The following SLMAP variants were observed in gnomAD, a reference collection of about 807,000 sequenced individuals.
SLMAP encodes sarcolemmal membrane-associated protein.
A neutral mutation model predicts 128.8 loss-of-function variants in SLMAP; 44 were observed. That is an observed-to-expected ratio of 0.34 (90% confidence interval 0.27 to 0.44). The LOEUF (loss-of-function observed/expected upper bound fraction) is 0.44. Ranked by LOEUF, SLMAP falls within the 20% of genes least tolerant of loss-of-function variation. The pLI, the probability that SLMAP is intolerant of heterozygous loss-of-function variation, is 1.00. For missense variants in SLMAP, 787 were observed against 985.3 expected (o/e 0.80, Z 2.69); for synonymous variants, 327 against 348.8 (o/e 0.94, Z 0.70).
intron 2 of SLMAP, among the ~76,000 whole-genome samples, chr3:57,809,512 T>G (rs1340057776): frequency 6.6e-6 from 1 of 152,136 alleles, no homozygotes; most frequent in Non-Finnish European, 1.5e-5. Flanking sequence ...GGCCTACAGG[T>G]ACCCCTTGGC....
chr3:57,859,531 G>A (rs754909598), intron 8 of SLMAP, among the ~76,000 whole-genome samples: 13 of 151,986 alleles, frequency 8.6e-5, no homozygotes, highest in Non-Finnish European at 1.9e-4. Flanking sequence ...CTCCAGCCTT[G>A]GTGACAAAGA....
At chr3:57,830,098 G>T (rs1239699415) in intron 2 of SLMAP, among the ~76,000 whole-genome samples, 1 of 152,222 alleles carries the variant, frequency 6.6e-6, no homozygotes, top group African/African-American at 2.4e-5. Context: ...GCAGGGGCAC[G>T]ATCTTGGCTC....
At chr3:57,848,889 A>G (rs1405211640) in intron 5 of SLMAP, among the ~76,000 whole-genome samples, 1 of 151,170 alleles carries the variant, frequency 6.6e-6, no homozygotes, top group Admixed American at 6.6e-5. Flanking sequence ...TTACGTTTTT[A>G]GTAGAGACGG....
intron 14 of SLMAP, among the ~76,000 whole-genome samples, chr3:57,873,502 C>CA (rs879844534): frequency 1.2e-4 from 18 of 149,460 alleles, no homozygotes; most frequent in Non-Finnish European, 1.6e-4. Context: ...GACTCCGTCT[C>CA]AAAAAAAAAT....
chr3:57,878,036 T>C (rs868269657), intron 14 of SLMAP, among the ~76,000 whole-genome samples: 2 of 151,484 alleles, frequency 1.3e-5, no homozygotes, highest in Non-Finnish European at 2.9e-5. Flanking sequence ...AAAGATGGGG[T>C]TTCACCATGT....
rs947980054 is a variant in SLMAP, at chr3:57,912,399, A to C, written c.1718A>C (p.His573Pro). ...TTTGCAGCCCAATTGCAGAGGTTAC[A>C]CATCGATACTGAGAATCTCCGGGAG... is the stretch of plus-strand genomic sequence containing the variant. ...QVLQAQLQRL[H>P]IDTENLREEK... The change falls in exon 20 of 25, where the codon CAC becomes CCC. Residue 573 changes from histidine to proline, a missense_variant. Around this residue, in one of 2 missense-constraint regions of SLMAP, gnomAD observed 715 missense variants for 843.6 expected, o/e 0.85. Coordinates refer to ENST00000671191, the MANE Select transcript of SLMAP (RefSeq NM_001377540.1). 6.2e-7 allele frequency: 1 copy of C among 1,612,050 alleles called. No individual in the cohort carries two copies. Among genetic ancestry groups the C allele is most frequent in the Non-Finnish European group, 8.5e-7 (1 of 1,178,122 alleles).
At chr3:57,876,674 T>C (rs1187789780) in intron 14 of SLMAP, among the ~76,000 whole-genome samples, 1 of 152,264 alleles carries the variant, frequency 6.6e-6, no homozygotes, top group Non-Finnish European at 1.5e-5. Context: ...ACTTTTTGTG[T>C]TCTGCTAAAG....
At chr3:57,828,681 A>G (rs774736091) in intron 2 of SLMAP, among the ~76,000 whole-genome samples, 1 of 152,228 alleles carries the variant, frequency 6.6e-6, no homozygotes, top group Non-Finnish European at 1.5e-5. Context: ...AATATAAATT[A>G]TATGTTCAAG....
intron 3 of SLMAP, among the ~76,000 whole-genome samples, chr3:57,837,550 T>C (rs2093697303): frequency 6.6e-6 from 1 of 152,132 alleles, no homozygotes; most frequent in Admixed American, 6.5e-5. Context: ...TTTGTATTTT[T>C]AGTAGAGACA....
intron 15 of SLMAP, 99 bp from the exon 16 acceptor site, chr3:57,896,412 G>T: frequency 2.1e-6 from 3 of 1,440,190 alleles, no homozygotes; most frequent in African/African-American, 2.9e-5. Context: ...AAAGTACTTT[G>T]CGTACCTGTA....
At chr3:57,871,983 A>G (rs909009183) in intron 14 of SLMAP, among the ~76,000 whole-genome samples, 21 of 152,206 alleles carry the variant, frequency 1.4e-4, no homozygotes, top group Non-Finnish European at 4.4e-5. Flanking sequence ...TTTCTTAGAG[A>G]AAATGAAGCC....
chr3:57,859,952 T>C (rs2094969629), intron 8 of SLMAP, among the ~76,000 whole-genome samples: 1 of 152,206 alleles, frequency 6.6e-6, no homozygotes, highest in Non-Finnish European at 1.5e-5. Context: ...TTCAGAATAA[T>C]GAATTGGTGG....
chr3:57,786,210 G>C (rs1197010298), intron 2 of SLMAP, among the ~76,000 whole-genome samples: 1 of 152,164 alleles, frequency 6.6e-6, no homozygotes, highest in Non-Finnish European at 1.5e-5. Context: ...TTTATTTCTT[G>C]CTCATGTTAC....
intron 21 of SLMAP, 25 bp downstream of exon 21, chr3:57,913,300 A>T (rs2096737677): frequency 2.0e-6 from 2 of 991,684 alleles, no homozygotes; most frequent in Non-Finnish European, 3.1e-6. Flanking sequence ...TCTGTTTTTC[A>T]GATATAAAAT....
At position 57,921,632 on chromosome 3, in the gene SLMAP, TAAAC is replaced by T. The variant is rs1379139553; in HGVS notation, c.2311-1253_2311-1250del. 3.3e-5 allele frequency among the ~76,000 whole-genome samples: 5 copies of T among 152,242 alleles called. No homozygotes were observed. In the South Asian group the frequency reaches 1.0e-3, roughly 32 times the overall value. ...CAGAGCTAGACTCCGTCTCAAAAAA[TAAAC>T]AAATAAAATAAAAATAAAATTTCTA... On this transcript the variant is annotated intron_variant, in intron 22 of 24. Coordinates refer to ENST00000671191, the MANE Select transcript of SLMAP (RefSeq NM_001377540.1).
chr3:57,843,305 C>CTTTTTTTTTTTTTTTT lies in SLMAP; in HGVS notation c.419+1943_419+1958dup. ...TTTTCTTTTTTCTTTCTTTCTTTTC[C>CTTTTTTTTTTTTTTTT]TTTTTTTTTTTTTTTTTTTTTTTTC... On this transcript the variant is annotated intron_variant, in intron 4 of 24. Transcript: ENST00000671191. Among the ~76,000 whole-genome samples the CTTTTTTTTTTTTTTTT allele has an allele frequency of 2.8e-4, 26 of 92,142 alleles. 1 individual carries two copies. The highest frequency in any genetic ancestry group is 4.3e-4 in the Non-Finnish European group (22 of 51,094). The allele number at this position is 92,142 out of a possible 152,430, so 60.4% of individuals were successfully genotyped here.
intron 2 of SLMAP, among the ~76,000 whole-genome samples, chr3:57,803,589 A>C (rs1008291677): frequency 3.3e-5 from 5 of 152,228 alleles, no homozygotes; most frequent in Non-Finnish European, 7.3e-5. Flanking sequence ...GTATAAATAA[A>C]GGAAGAAATA....
At chr3:57,765,480 G>A (rs1294819108) in intron 2 of SLMAP, among the ~76,000 whole-genome samples, 1 of 152,168 alleles carries the variant, frequency 6.6e-6, no homozygotes, top group Non-Finnish European at 1.5e-5. Context: ...GGATGATACG[G>A]CATGTTCCAA....
intron 22 of SLMAP, among the ~76,000 whole-genome samples, chr3:57,918,969 G>A (rs1379533840): frequency 2.0e-5 from 3 of 152,208 alleles, no homozygotes; most frequent in Admixed American, 6.5e-5. Flanking sequence ...TAGAAAGCAA[G>A]ATGGAGCAAA....
Sources: allele counts gnomAD v4.1 joint callset (sites outside exome capture counted in the v4.1 genomes callset), GRCh38; gene constraint gnomAD v4.1.1; regional missense constraint gnomAD v4.1.1; transcripts MANE v1.5; gene names NCBI Gene and HGNC (gene_info 2026-07-23, HGNC 2026-07-21).